The following FREM2 variants were observed in gnomAD, a reference collection of about 807,000 sequenced individuals.
FREM2 encodes the protein FRAS1-related extracellular matrix protein 2.
FREM2 carries 119 observed loss-of-function variants against 219.9 expected under a neutral mutation model. That is an observed-to-expected ratio of 0.54 (90% CI 0.47 to 0.63). FREM2 has a LOEUF of 0.63. Among genes scored for constraint, FREM2 ranks in the 30% least tolerant of loss-of-function variants. FREM2 has a pLI of 0.00. For synonymous variants in FREM2, 1,562 were observed against 1,522.8 expected (o/e 1.03, Z -0.60); for missense variants, 4,030 against 3,993.6 (o/e 1.01, Z -0.25).
rs761887362 is a variant in FREM2 at position 38,688,325 on chromosome 13, G to C, written c.981G>C (p.Met327Ile). The C allele has an allele frequency of 4.3e-6, 7 of 1,614,218 alleles. No individual in the cohort carries two copies. Among genetic ancestry groups the C allele is most frequent in the Non-Finnish European group, 5.9e-6 (7 of 1,180,052 alleles). ...AGCCCAGTTTCGTGGCCATGATGAT[G>C]ATGGAGGTGGACCAGTTTGTACTGA... ...APKPSFVAMM[M>I]MEVDQFVLTA... The change falls in exon 1 of 24, where the codon ATG becomes ATC. Residue 327 changes from methionine (M) to isoleucine (I), a missense_variant. Physicochemically the swap from Met to Ile is conservative, Grantham distance 10 (BLOSUM62 1). Coordinates refer to ENST00000280481, the MANE Select transcript of FREM2 (RefSeq NM_207361.6).
intron 2 of FREM2, 26 bp from the exon 3 acceptor site, chr13:38,764,278 T>G: frequency 6.3e-7 from 1 of 1,584,350 alleles, no homozygotes; most frequent in Non-Finnish European, 8.7e-7. Flanking sequence ...AGCACTAATT[T>G]ATGGCTTTAA....
rs746590736 is a variant in FREM2, at chr13:38,687,400, G to C, written c.56G>C (p.Ser19Thr). 2 of 1,608,774 alleles carry C rather than the reference G, an allele frequency of 1.2e-6. No homozygotes were observed. The highest frequency in any genetic ancestry group is 2.7e-5 in the African/African-American group (2 of 74,856). Residue 19 changes from serine to threonine, a missense_variant, in exon 1 of 24, where the codon AGC becomes ACC. By Grantham distance (58) the Ser-to-Thr change is moderately conservative. Around this residue, in one of 2 missense-constraint regions of FREM2, gnomAD observed 3,102 missense variants for 2,950.7 expected, o/e 1.05. Transcript: ENST00000280481. ...TCGCGCCGGACAGGCAACTCCACCA[G>C]CTTTCAACCAGGACCGCCACCGCCG... ...LSSRRTGNST[S>T]FQPGPPPPPR...
intron 2 of FREM2, among the ~76,000 whole-genome samples, chr13:38,738,565 CAAAAA>C (rs71074478): frequency 8.3e-5 from 4 of 48,478 alleles, no homozygotes; most frequent in Admixed American, 2.4e-4. Context: ...GACTCCATCT[CAAAAA>C]AAAAAAAAAA....
At chr13:38,873,500 G>A (rs1238315029) in intron 17 of FREM2, among the ~76,000 whole-genome samples, 2 of 152,078 alleles carry the variant, frequency 1.3e-5, no homozygotes, top group Admixed American at 6.6e-5. Flanking sequence ...ATTACTCTGG[G>A]GTACTTTAGT....
At chr13:38,863,532 T>C (rs1191594069) in intron 15 of FREM2, among the ~76,000 whole-genome samples, 2 of 125,316 alleles carry the variant, frequency 1.6e-5, no homozygotes, top group Admixed American at 1.8e-4. Flanking sequence ...ATGAAATACA[T>C]CCTTTAAAAA....
chr13:38,754,647 C>A (rs536065074), intron 2 of FREM2, among the ~76,000 whole-genome samples: 2 of 152,232 alleles, frequency 1.3e-5, no homozygotes, highest in East Asian at 3.9e-4. Flanking sequence ...TTATCAAAAT[C>A]ACCCTGACCA....
chr13:38,697,656 T>C, intron 1 of FREM2, 42 bp from the exon 2 acceptor site: 1 of 1,122,936 alleles, frequency 8.9e-7, no homozygotes, highest in Non-Finnish European at 1.4e-6. Context: ...TCATCAATTT[T>C]ACTCTGGTAA....
intron 1 of FREM2, among the ~76,000 whole-genome samples, chr13:38,693,137 C>T (rs78087545): frequency 0.025 from 3,748 of 152,170 alleles, 70 homozygotes; most frequent in Non-Finnish European, 0.04. Flanking sequence ...TTGATAAACA[C>T]CTATCTAGAG....
chr13:38,858,005 T>A lies in FREM2; in HGVS notation c.7187T>A (p.Met2396Lys), dbSNP rs377021258. 6 of 1,613,938 alleles carry A rather than the reference T, an allele frequency of 3.7e-6. No homozygotes were observed. The African/African-American group carries it at 4.0e-5, about 11-fold the overall frequency. ...AAAGCTAAGGAGAGTGCTGAACCCATGTCTGGCTATCCTGTCATCTGTATC... is the reference window on the plus strand; with the variant it reads ...AAAGCTAAGGAGAGTGCTGAACCCAAGTCTGGCTATCCTGTCATCTGTATC... The part of the protein sequence containing the change: ...TSKAKESAEP[M>K]SGYPVICITA... The change falls in exon 13 of 24, where the codon ATG becomes AAG. Residue 2396 changes from methionine (M) to lysine (K), a missense_variant. Physicochemically the swap from Met to Lys is moderately conservative, Grantham distance 95. Coordinates refer to ENST00000280481, the MANE Select transcript of FREM2 (RefSeq NM_207361.6).
Position 38,687,623 on chromosome 13 carries a change from T to G in FREM2, c.279T>G (p.His93Gln), listed in dbSNP as rs1398432196. The G allele has an allele frequency of 6.2e-7, 1 of 1,609,792 alleles. No individual in the cohort carries two copies. Among genetic ancestry groups the G allele is most frequent in the Non-Finnish European group, 8.5e-7 (1 of 1,178,262 alleles). ...GTGAAGTCTGGCTGGATCCCCTGCA[T>G]GACCTGGTGTTGCAGGTGCAGCCCG... ...FGREVWLDPL[H>Q]DLVLQVQPGD... The change falls in exon 1 of 24, where the codon CAT becomes CAG. Residue 93 changes from histidine to glutamine, a missense_variant. Physicochemically the swap from His to Gln is conservative, Grantham distance 24 (BLOSUM62 0). Transcript: ENST00000280481.
chr13:38,738,067 AG>A (rs1396400977), intron 2 of FREM2, among the ~76,000 whole-genome samples: 1 of 152,166 alleles, frequency 6.6e-6, no homozygotes, highest in Non-Finnish European at 1.5e-5. Flanking sequence ...GTTGCTGATT[AG>A]GTATGGGAGT....
chr13:38,770,338 A>G (rs1377157107), intron 4 of FREM2, among the ~76,000 whole-genome samples: 2 of 151,724 alleles, frequency 1.3e-5, no homozygotes, highest in Admixed American at 6.6e-5. Flanking sequence ...GATTACAGGT[A>G]TGAGACACTG....
At chr13:38,832,298 G>T (rs577664722) in intron 6 of FREM2, among the ~76,000 whole-genome samples, 4 of 152,100 alleles carry the variant, frequency 2.6e-5, no homozygotes, top group East Asian at 1.9e-4. Flanking sequence ...GTGGGGAAAG[G>T]CCATGCCTAA....
Position 38,701,160 on chromosome 13 carries a change from A to G in FREM2, c.5263+3373A>G, listed in dbSNP as rs147354813. 3.0e-3 allele frequency among the ~76,000 whole-genome samples: 462 copies of G among 152,216 alleles called. 1 individual carries two copies. The highest frequency in any genetic ancestry group is 6.8e-3 in the Middle Eastern group (2 of 294). On this transcript the variant is annotated intron_variant, in intron 2 of 23. Transcript: ENST00000280481. ...CTTAAAATGATTATTTTATAATGCAATATGCTTATTGGAATATTAGTAAAG... is the reference window on the plus strand; with the variant it reads ...CTTAAAATGATTATTTTATAATGCAGTATGCTTATTGGAATATTAGTAAAG...
chr13:38,701,730 A>AATAT (rs1185601976), intron 2 of FREM2, among the ~76,000 whole-genome samples: 1 of 152,054 alleles, frequency 6.6e-6, no homozygotes, highest in African/African-American at 2.4e-5. Context: ...TCACTCTTCA[A>AATAT]CACCAGGCTC....
chr13:38,695,933 G>C (rs1870091355), intron 1 of FREM2, among the ~76,000 whole-genome samples: 2 of 152,104 alleles, frequency 1.3e-5, no homozygotes, highest in Non-Finnish European at 2.9e-5. Context: ...AATCCCAGAA[G>C]TTTTTCATCT....
chr13:38,758,558 C>T lies in FREM2; in HGVS notation c.5264-5746C>T, dbSNP rs115877833. Among the ~76,000 whole-genome samples, 666 of 152,278 alleles carry T rather than the reference C, an allele frequency of 4.4e-3. 11 individuals are homozygous for T. The highest frequency in any genetic ancestry group is 0.015 in the African/African-American group (638 of 41,558). On this transcript the variant is annotated intron_variant, in intron 2 of 23. Transcript: ENST00000280481. ...GCAGTTGAATGCCAGCCCCTGGGGG[C>T]AGGGTAAGAGCCAAGTCGGCTTCAG... is the stretch of plus-strand genomic sequence containing the variant.
chr13:38,848,988 C>G (rs1364182568), intron 8 of FREM2, among the ~76,000 whole-genome samples: 1 of 152,040 alleles, frequency 6.6e-6, no homozygotes, highest in African/African-American at 2.4e-5. Context: ...CTGTATGTGT[C>G]TCTGTCTAAT....
chr13:38,753,601 C>T (rs1189365528), intron 2 of FREM2, among the ~76,000 whole-genome samples: 1 of 152,232 alleles, frequency 6.6e-6, no homozygotes, highest in Non-Finnish European at 1.5e-5. Context: ...AAATAATTCT[C>T]AGCCACTCAT....
Sources: allele counts gnomAD v4.1 joint callset (sites outside exome capture counted in the v4.1 genomes callset), GRCh38; gene constraint gnomAD v4.1.1; regional missense constraint gnomAD v4.1.1; transcripts MANE v1.5; gene names NCBI Gene and HGNC (gene_info 2026-07-23, HGNC 2026-07-21).